The following NRG1 variants were observed in gnomAD, a reference collection of about 807,000 sequenced individuals.
The protein encoded by NRG1 is neuregulin 1.
Under a neutral mutation model 63.8 loss-of-function variants are expected in NRG1, and 18 were observed. The ratio of observed to expected loss-of-function variants is 0.28; its 90% CI spans 0.19 to 0.42. NRG1 has a LOEUF of 0.42. NRG1 is among the 10% of genes least tolerant of loss of function. NRG1 has a pLI of 1.00. For missense variants in NRG1, 762 were observed against 814.7 expected (o/e 0.94, Z 0.79); for synonymous variants, 302 against 301.3 (o/e 1.00, Z -0.02).
intron 1 of NRG1, among the ~76,000 whole-genome samples, chr8:31,851,701 G>A (rs1255431626): frequency 6.6e-6 from 1 of 151,172 alleles, no homozygotes; most frequent in Non-Finnish European, 1.5e-5. Context: ...CTGGTGCGCT[G>A]CACCCACTAA....
intron 5 of NRG1, among the ~76,000 whole-genome samples, chr8:32,694,658 G>A (rs188721583): frequency 2.1e-3 from 323 of 152,278 alleles, no homozygotes; most frequent in Non-Finnish European, 3.5e-3. Flanking sequence ...ATTGTCCTTT[G>A]AATTAAGCAG....
chr8:32,284,772 C>T (rs545099175), intron 1 of NRG1, among the ~76,000 whole-genome samples: 1 of 152,276 alleles, frequency 6.6e-6, no homozygotes, highest in Admixed American at 6.5e-5. Context: ...TGGTCTCAAA[C>T]TGCTGGGCTC....
intron 5 of NRG1, among the ~76,000 whole-genome samples, chr8:32,645,289 C>T (rs1296964846): frequency 6.6e-6 from 1 of 152,062 alleles, no homozygotes; most frequent in Non-Finnish European, 1.5e-5. Flanking sequence ...TCAAATAAAC[C>T]TAGAAAATAA....
intron 1 of NRG1, among the ~76,000 whole-genome samples, chr8:31,645,754 C>T: frequency 6.6e-6 from 1 of 152,126 alleles, no homozygotes; most frequent in Middle Eastern, 3.2e-3. Context: ...CTTGATTTAC[C>T]TCATTTGGAC....
intron 1 of NRG1, among the ~76,000 whole-genome samples, chr8:31,848,712 G>A (rs528164927): frequency 6.6e-5 from 10 of 152,188 alleles, no homozygotes; most frequent in African/African-American, 1.9e-4. Flanking sequence ...CACATGCAAG[G>A]GATCTAGGTT....
At chr8:32,423,508 G>A (rs1816953866) in intron 1 of NRG1, among the ~76,000 whole-genome samples, 1 of 152,112 alleles carries the variant, frequency 6.6e-6, no homozygotes, top group South Asian at 2.1e-4. Context: ...AGCCGGGCAT[G>A]GTGGCTCTCG....
intron 1 of NRG1, among the ~76,000 whole-genome samples, chr8:32,586,690 G>T (rs187411051): frequency 6.6e-6 from 1 of 152,246 alleles, no homozygotes; most frequent in East Asian, 1.9e-4. Context: ...TTAGACTTAC[G>T]ACATTAAGTT....
chr8:32,037,319 G>C (rs1440598240), intron 1 of NRG1, among the ~76,000 whole-genome samples: 1 of 152,176 alleles, frequency 6.6e-6, no homozygotes, highest in Non-Finnish European at 1.5e-5. Context: ...TTTTCCCCAA[G>C]AGGAGCACCA....
chr8:32,144,403 GTA>G (rs1554637922), intron 1 of NRG1, among the ~76,000 whole-genome samples: 5 of 152,098 alleles, frequency 3.3e-5, no homozygotes, highest in African/African-American at 1.2e-4. Context: ...GTGTGTGTGT[GTA>G]TGTGTTGGAG....
intron 1 of NRG1, among the ~76,000 whole-genome samples, chr8:31,957,198 T>TC (rs1804591325): frequency 6.6e-6 from 1 of 151,524 alleles, no homozygotes; most frequent in African/African-American, 2.4e-5. Flanking sequence ...GAGTTTTTTT[T>TC]TTTTTCTTGT....
chr8:32,003,029 C>T (rs1379451789), intron 1 of NRG1, among the ~76,000 whole-genome samples: 1 of 152,036 alleles, frequency 6.6e-6, no homozygotes, highest in African/African-American at 2.4e-5. Context: ...GTAGGAAAGA[C>T]ACTTTATCAA....
chr8:32,457,675 G>GT (rs1821772622), intron 1 of NRG1, among the ~76,000 whole-genome samples: 1 of 152,080 alleles, frequency 6.6e-6, no homozygotes, highest in Non-Finnish European at 1.5e-5. Flanking sequence ...AAATCTCTCT[G>GT]TTACCAGGAC....
chr8:31,809,404 G>GTATATATA (rs35009490), intron 1 of NRG1, among the ~76,000 whole-genome samples: 1 of 140,092 alleles, frequency 7.1e-6, no homozygotes, highest in Admixed American at 7.2e-5. Context: ...GTGTGTGTGT[G>GTATATATA]TATATATATA....
chr8:32,749,318 G>A, intron 7 of NRG1: 2 of 572,446 alleles, frequency 3.5e-6, no homozygotes, highest in Non-Finnish European at 3.1e-6. Context: ...GGTCTTTTAA[G>A]GGTTAATAAA....
Position 31,851,888 on chromosome 8 carries a change from T to A in NRG1, c.37+212457T>A, listed in dbSNP as rs1181719176. 2.0e-5 allele frequency among the ~76,000 whole-genome samples: 3 copies of A among 151,308 alleles called. No individual in the cohort carries two copies. The East Asian group carries it at 5.9e-4, about 30-fold the overall frequency. ...GTTTTTTGTTCTTGCGATAGTTTAC[T>A]GAGAATGATGATTTCCAATTTCATC... On this transcript the variant is annotated intron_variant, in intron 1 of 10. Coordinates refer to the NRG1 transcript ENST00000519301.
chr8:32,538,274 A>G (rs1360954279), intron 1 of NRG1, among the ~76,000 whole-genome samples: 4 of 152,264 alleles, frequency 2.6e-5, no homozygotes, highest in Non-Finnish European at 2.9e-5. Context: ...AAAAATATCA[A>G]CTATATGTAG....
chr8:31,906,442 T>G (rs117316767), intron 1 of NRG1, among the ~76,000 whole-genome samples: 2 of 152,128 alleles, frequency 1.3e-5, no homozygotes, highest in Admixed American at 6.6e-5. Context: ...GGGAGCTGAG[T>G]TGGAGGCTGC....
intron 5 of NRG1, among the ~76,000 whole-genome samples, chr8:32,706,156 C>T (rs755338380): frequency 6.6e-6 from 1 of 152,162 alleles, no homozygotes; most frequent in Non-Finnish European, 1.5e-5. Context: ...AAATCTTTGT[C>T]TCTAATGGAT....
intron 1 of NRG1, among the ~76,000 whole-genome samples, chr8:32,219,787 G>A (rs888578749): frequency 6.6e-6 from 1 of 152,144 alleles, no homozygotes; most frequent in Admixed American, 6.6e-5. Context: ...TTTAATTAAA[G>A]GTGTTCTAGT....
Sources: allele counts gnomAD v4.1 joint callset (sites outside exome capture counted in the v4.1 genomes callset), GRCh38; gene constraint gnomAD v4.1.1; transcripts MANE v1.5; gene names NCBI Gene and HGNC (gene_info 2026-07-23, HGNC 2026-07-21).